Variants in MYO3B observed in about 807,000 individuals in gnomAD.
The protein encoded by MYO3B is myosin-IIIb.
Under a neutral mutation model 174.6 loss-of-function variants are expected in MYO3B, and 156 were observed. The ratio of observed to expected loss-of-function variants is 0.89; its 90% CI spans 0.78 to 1.02. The LOEUF is 1.02. Among genes scored for constraint, MYO3B ranks in the 50% least tolerant of loss-of-function variants. MYO3B has a pLI of 0.00. For missense variants in MYO3B, 1,632 were observed against 1,639.4 expected (o/e 1.00, Z 0.08); for synonymous variants, 563 against 569.1 (o/e 0.99, Z 0.15).
intron 32 of MYO3B, among the ~76,000 whole-genome samples, chr2:170,622,480 C>A (rs554260963): frequency 7.8e-4 from 119 of 152,336 alleles, no homozygotes; most frequent in Middle Eastern, 3.4e-3. Context: ...CTTCCTCCCA[C>A]AAGCCTTACC....
chr2:170,403,323 G>A (rs2094490196), intron 19 of MYO3B, among the ~76,000 whole-genome samples: 1 of 152,128 alleles, frequency 6.6e-6, no homozygotes, highest in African/African-American at 2.4e-5. Context: ...AAATGACACA[G>A]ATGACCTTGA....
chr2:170,269,313 T>C (rs2093407749), intron 7 of MYO3B, among the ~76,000 whole-genome samples: 1 of 152,236 alleles, frequency 6.6e-6, no homozygotes, highest in Admixed American at 6.5e-5. Context: ...GGCATATTTC[T>C]AAAAGACCTT....
At chr2:170,446,699 G>A (rs2094844939) in intron 23 of MYO3B, among the ~76,000 whole-genome samples, 1 of 152,094 alleles carries the variant, frequency 6.6e-6, no homozygotes, top group Non-Finnish European at 1.5e-5. Flanking sequence ...GATAAAGCTC[G>A]GCTCTGTAAG....
At chr2:170,244,205 C>T (rs1300482593) in intron 7 of MYO3B, among the ~76,000 whole-genome samples, 1 of 152,104 alleles carries the variant, frequency 6.6e-6, no homozygotes, top group African/African-American at 2.4e-5. Context: ...CTTTTAGCCC[C>T]CTTAGTAGGT....
chr2:170,386,135 C>A, intron 12 of MYO3B, 54 bp from the exon 13 acceptor site: 2 of 1,440,700 alleles, frequency 1.4e-6, no homozygotes, highest in African/African-American at 1.4e-5. Context: ...ATGAAGCATG[C>A]AAGTTGCTTC....
intron 25 of MYO3B, among the ~76,000 whole-genome samples, chr2:170,492,862 A>C (rs1340564306): frequency 6.6e-6 from 1 of 152,236 alleles, no homozygotes; most frequent in Non-Finnish European, 1.5e-5. Context: ...CAGAGCAAAG[A>C]CCACAAACCT....
chr2:170,459,232 C>G (rs998277976), intron 23 of MYO3B, among the ~76,000 whole-genome samples: 4 of 152,182 alleles, frequency 2.6e-5, no homozygotes, highest in Non-Finnish European at 5.9e-5. Context: ...TGCTTTTATT[C>G]CCTAATCTGA....
intron 23 of MYO3B, 59 bp from the exon 24 acceptor site, chr2:170,463,309 A>C: frequency 6.7e-7 from 1 of 1,487,488 alleles, no homozygotes; most frequent in Non-Finnish European, 9.3e-7. Context: ...TTTGGAAGAC[A>C]TGGAGCATGA....
At chr2:170,520,158 A>C (rs1688585345) in intron 30 of MYO3B, among the ~76,000 whole-genome samples, 1 of 152,028 alleles carries the variant, frequency 6.6e-6, no homozygotes, top group South Asian at 2.1e-4. Context: ...TGTTTGTCAC[A>C]ACTTTGGAGG....
intron 32 of MYO3B, among the ~76,000 whole-genome samples, chr2:170,611,476 A>G (rs938548568): frequency 6.6e-6 from 1 of 152,180 alleles, no homozygotes; most frequent in African/African-American, 2.4e-5. Flanking sequence ...GTATGAAAAA[A>G]AATTTGCACA....
chr2:170,272,217 G>A (rs1421261507), intron 7 of MYO3B, among the ~76,000 whole-genome samples: 1 of 152,032 alleles, frequency 6.6e-6, no homozygotes, highest in Non-Finnish European at 1.5e-5. Context: ...AGCCTAGACT[G>A]ACTGAATCAG....
chr2:170,192,995 A>C (rs1465047348), intron 1 of MYO3B, among the ~76,000 whole-genome samples: 1 of 151,758 alleles, frequency 6.6e-6, no homozygotes, highest in African/African-American at 2.4e-5. Flanking sequence ...CTTGAAAATA[A>C]GTTTTATGTT....
chr2:170,520,977 T>C (rs181420397), intron 30 of MYO3B, among the ~76,000 whole-genome samples: 173 of 152,304 alleles, frequency 1.1e-3, no homozygotes, highest in African/African-American at 4.0e-3. Flanking sequence ...TTCTTCCACA[T>C]TGATTATGGG....
intron 32 of MYO3B, among the ~76,000 whole-genome samples, chr2:170,648,569 G>C (rs1235441648): frequency 1.3e-5 from 2 of 148,242 alleles, no homozygotes; most frequent in Non-Finnish European, 3.0e-5. Context: ...GCTACAGTGA[G>C]CTGAGATCGT....
intron 32 of MYO3B, among the ~76,000 whole-genome samples, chr2:170,630,571 C>T (rs544936424): frequency 1.3e-5 from 2 of 152,280 alleles, no homozygotes; most frequent in East Asian, 3.9e-4. Flanking sequence ...AGTGTTTGAG[C>T]TCTGAGAACA....
At chr2:170,201,650 G>T (rs2105340436) in intron 3 of MYO3B, among the ~76,000 whole-genome samples, 2 of 152,224 alleles carry the variant, frequency 1.3e-5, no homozygotes, top group Middle Eastern at 3.4e-3. Flanking sequence ...AATTATCTTT[G>T]TTCCTTTAGT....
At chr2:170,246,560 A>ACACG (rs1249564634) in intron 7 of MYO3B, among the ~76,000 whole-genome samples, 1 of 151,950 alleles carries the variant, frequency 6.6e-6, no homozygotes, top group East Asian at 1.9e-4. Context: ...ACACACACAC[A>ACACG]CACACACGAA....
chr2:170,600,130 G>GT lies in MYO3B; in HGVS notation c.3734-51496dup, dbSNP rs772057303. On this transcript the variant is annotated intron_variant, in intron 32 of 34. Coordinates refer to ENST00000408978, the MANE Select transcript of MYO3B (RefSeq NM_138995.5). ...TGAAGATAAGCCCTTCCTTGTTGTTGTTGTTTTTTTTTAACTCTGCAATTA... is the reference window on the plus strand; with the variant it reads ...TGAAGATAAGCCCTTCCTTGTTGTTGTTTGTTTTTTTTTAACTCTGCAATTA... Among the ~76,000 whole-genome samples, 335 of 128,546 alleles carry GT rather than the reference G, an allele frequency of 2.6e-3. 1 individual carries two copies. Among genetic ancestry groups the GT allele is most frequent in the South Asian group, 8.3e-3 (35 of 4,236 alleles). The allele number at this position is 128,546 out of a possible 152,430, so 84.3% of individuals were successfully genotyped here.
chr2:170,222,047 G>C (rs2092906832), intron 6 of MYO3B, among the ~76,000 whole-genome samples: 1 of 152,186 alleles, frequency 6.6e-6, no homozygotes, highest in Non-Finnish European at 1.5e-5. Flanking sequence ...TAAGATCAGA[G>C]GTAGTTTGTT....
Sources: gnomAD v4.1 joint callset for allele counts (sites outside exome capture counted in the v4.1 genomes callset) on GRCh38, gnomAD v4.1.1 for gene constraint, MANE v1.5 for transcripts, NCBI Gene and HGNC (gene_info 2026-07-23, HGNC 2026-07-21) for gene names.